The following NKAIN3 variants were observed in gnomAD, a reference collection of about 807,000 sequenced individuals.
The protein encoded by NKAIN3 is sodium/potassium transporting ATPase interacting 3.
A neutral mutation model predicts 30.2 loss-of-function variants in NKAIN3; 25 were observed. The observed-to-expected ratio is 0.83, with a 90% CI of 0.60 to 1.16. NKAIN3 has a LOEUF of 1.16. NKAIN3 is among the 50% of genes most tolerant of loss of function. NKAIN3 has a pLI of 0.00. For synonymous variants in NKAIN3, 91 were observed against 89.6 expected (o/e 1.02, Z -0.09); for missense variants, 225 against 254.1 (o/e 0.89, Z 0.78).
At chr8:62,701,951 C>T (rs1380516579) in intron 3 of NKAIN3, among the ~76,000 whole-genome samples, 1 of 152,200 alleles carries the variant, frequency 6.6e-6, no homozygotes, top group Non-Finnish European at 1.5e-5. Context: ...CATCTGTCCA[C>T]TGGGGGCGTC....
At chr8:62,373,195 A>G (rs1816962498) in intron 1 of NKAIN3, among the ~76,000 whole-genome samples, 1 of 152,178 alleles carries the variant, frequency 6.6e-6, no homozygotes, top group Non-Finnish European at 1.5e-5. Flanking sequence ...GGTTCGGATA[A>G]ATAGAGGTTA....
chr8:62,571,031 C>A (rs1809918864), intron 1 of NKAIN3, among the ~76,000 whole-genome samples: 1 of 152,062 alleles, frequency 6.6e-6, no homozygotes, highest in Admixed American at 6.5e-5. Context: ...CATGAAGAAT[C>A]AATTCTTTCC....
intron 4 of NKAIN3, among the ~76,000 whole-genome samples, chr8:62,787,703 C>T (rs944298937): frequency 2.6e-5 from 4 of 152,060 alleles, no homozygotes; most frequent in East Asian, 1.9e-4. Context: ...CAACAGTCCC[C>T]GGTGTGTGAT....
At chr8:62,775,667 T>C (rs1002328858) in intron 4 of NKAIN3, among the ~76,000 whole-genome samples, 2 of 152,226 alleles carry the variant, frequency 1.3e-5, no homozygotes, top group African/African-American at 2.4e-5. Flanking sequence ...CCACTGGTCA[T>C]TCAGGAGCCT....
At chr8:62,312,836 A>T (rs1260955640) in intron 1 of NKAIN3, among the ~76,000 whole-genome samples, 1 of 151,098 alleles carries the variant, frequency 6.6e-6, no homozygotes, top group Non-Finnish European at 1.5e-5. Context: ...AAAAAAAAAA[A>T]TGCTGTGATG....
intron 1 of NKAIN3, among the ~76,000 whole-genome samples, chr8:62,529,912 A>G (rs938499852): frequency 2.0e-5 from 3 of 152,146 alleles, no homozygotes; most frequent in African/African-American, 7.2e-5. Context: ...TATATTTGGT[A>G]GCAGTACTAG....
chr8:62,703,366 G>T (rs1814405085), intron 3 of NKAIN3, among the ~76,000 whole-genome samples: 1 of 151,708 alleles, frequency 6.6e-6, no homozygotes, highest in East Asian at 1.9e-4. Context: ...GAACATTTTA[G>T]CAAGATAATT....
At chr8:62,870,151 T>C (rs1048475745) in intron 4 of NKAIN3, among the ~76,000 whole-genome samples, 2 of 149,356 alleles carry the variant, frequency 1.3e-5, no homozygotes, top group African/African-American at 2.5e-5. Context: ...AGACGACCTA[T>C]TGTGTGACTT....
chr8:62,819,423 C>A (rs1216110994), intron 4 of NKAIN3, among the ~76,000 whole-genome samples: 1 of 151,798 alleles, frequency 6.6e-6, no homozygotes, highest in Admixed American at 6.6e-5. Flanking sequence ...TTTGGAAATT[C>A]CCATAATAAA....
intron 4 of NKAIN3, among the ~76,000 whole-genome samples, chr8:62,843,334 T>A (rs1036430607): frequency 6.0e-5 from 9 of 151,148 alleles, no homozygotes; most frequent in South Asian, 2.1e-4. Context: ...TTAATTAATT[T>A]TTTATTTATT....
At chr8:62,658,743 T>C (rs1383354101) in intron 3 of NKAIN3, among the ~76,000 whole-genome samples, 1 of 152,208 alleles carries the variant, frequency 6.6e-6, no homozygotes, top group Non-Finnish European at 1.5e-5. Context: ...TCTGCAGCAA[T>C]TGGCTGGTAA....
chr8:62,965,601 T>A lies in NKAIN3; in HGVS notation c.*194T>A, dbSNP rs1464704478. On this transcript the variant is annotated 3_prime_UTR_variant, in exon 7 of 7. Coordinates refer to ENST00000623646, the MANE Select transcript of NKAIN3 (RefSeq NM_001304533.3). Reference sequence around the variant, plus strand: ...TATTTTTTTAGTCGTTTTCTTCTTATATGAACACTTGTAAGTTGTAAAAAA... The same window carrying A: ...TATTTTTTTAGTCGTTTTCTTCTTAAATGAACACTTGTAAGTTGTAAAAAA... 8.4e-6 allele frequency: 8 copies of A among 952,616 alleles called. No individual in the cohort carries two copies. In the African/African-American group the frequency reaches 1.3e-4, roughly 16 times the overall value. 59.0% of individuals were successfully genotyped at this position (952,616 alleles called of 1,614,324 possible). A position where few individuals can be genotyped will look rare whatever the true frequency, so the allele number is the denominator to read the frequency against.
intron 4 of NKAIN3, among the ~76,000 whole-genome samples, chr8:62,763,137 C>A (rs1054908580): frequency 7.3e-6 from 1 of 136,412 alleles, no homozygotes; most frequent in Admixed American, 8.4e-5. Flanking sequence ...AGGAGAATGG[C>A]GTGAACCCAG....
chr8:62,720,298 T>C (rs1024806004), intron 3 of NKAIN3, among the ~76,000 whole-genome samples: 51 of 152,298 alleles, frequency 3.3e-4, no homozygotes, highest in African/African-American at 1.1e-3. Context: ...ACATTTACAT[T>C]AAATTACAGA....
chr8:62,749,929 G>A (rs1196941430), intron 4 of NKAIN3, among the ~76,000 whole-genome samples: 4 of 151,716 alleles, frequency 2.6e-5, no homozygotes, highest in African/African-American at 7.3e-5. Flanking sequence ...TGATCCACCC[G>A]CCTCGGTCTC....
intron 3 of NKAIN3, among the ~76,000 whole-genome samples, chr8:62,631,867 T>C (rs1043270127): frequency 6.6e-6 from 1 of 152,208 alleles, no homozygotes; most frequent in Admixed American, 6.5e-5. Context: ...TTTGAAAGTC[T>C]CTTTGACTAG....
rs189096899 is a variant in NKAIN3 at position 62,775,783 on chromosome 8, G to A, written c.471+28654G>A. The stretch of plus-strand genomic sequence containing the variant: ...ATATTCTGCAGCCATTGGATGAAGT[G>A]TTCTGCAAATATCTATTAGGCCCAT... On this transcript the variant is annotated intron_variant, in intron 4 of 6. Transcript: ENST00000623646. Among the ~76,000 whole-genome samples, 1,187 of 152,080 alleles carry A rather than the reference G, an allele frequency of 7.8e-3. 4 individuals carry two copies. The highest frequency in any genetic ancestry group is 0.013 in the Non-Finnish European group (909 of 67,912).
chr8:62,741,725 A>G (rs904087417), intron 3 of NKAIN3, among the ~76,000 whole-genome samples: 1 of 152,098 alleles, frequency 6.6e-6, no homozygotes, highest in Non-Finnish European at 1.5e-5. Context: ...TTGTGTTTTT[A>G]TTTCCTTATG....
At position 62,738,654 on chromosome 8, in the gene NKAIN3, C is replaced by T. The variant is rs138207361; in HGVS notation, c.274-8278C>T. ...GAGTAGTGTCTGTTTATATCATATC[C>T]TTTGCCCACTTTTTGATGGGGTTGT... On this transcript the variant is annotated intron_variant, in intron 3 of 6. Transcript: ENST00000623646. 9.9e-3 allele frequency among the ~76,000 whole-genome samples: 1,483 copies of T among 150,134 alleles called. 24 individuals are homozygous for T. Among genetic ancestry groups the T allele is most frequent in the African/African-American group, 0.034 (1,405 of 40,990 alleles).
Sources: gnomAD v4.1 joint callset for allele counts (sites outside exome capture counted in the v4.1 genomes callset) on GRCh38, gnomAD v4.1.1 for gene constraint, MANE v1.5 for transcripts, NCBI Gene and HGNC (gene_info 2026-07-23, HGNC 2026-07-21) for gene names.